PCDHA7: variants seen among roughly 807,000 people sequenced by gnomAD.
The protein encoded by PCDHA7 is protocadherin alpha-7.
Under a neutral mutation model 57.2 loss-of-function variants are expected in PCDHA7, and 37 were observed. That is an observed-to-expected ratio of 0.65 (90% CI 0.50 to 0.85). The LOEUF is 0.85. PCDHA7 is among the 40% of genes least tolerant of loss of function. The pLI is 0.00. For missense variants in PCDHA7, 1,188 were observed against 1,241.8 expected (o/e 0.96, Z 0.65); for synonymous variants, 553 against 558.8 (o/e 0.99, Z 0.15).
chr5:140,989,597 G>A (rs1168398697), intron 3 of PCDHA7, among the ~76,000 whole-genome samples: 1 of 152,144 alleles, frequency 6.6e-6, no homozygotes, highest in Non-Finnish European at 1.5e-5. Flanking sequence ...ACTGACACAA[G>A]TAAACTAAAA....
chr5:140,878,040 C>T, intron 1 of PCDHA7: 1 of 533,272 alleles, frequency 1.9e-6, no homozygotes, highest in Non-Finnish European at 3.0e-6. Flanking sequence ...ACAATGGAGG[C>T]CATGGAGCAC....
intron 3 of PCDHA7, among the ~76,000 whole-genome samples, chr5:140,995,391 G>A (rs2097681152): frequency 1.3e-5 from 2 of 152,170 alleles, no homozygotes; most frequent in African/African-American, 2.4e-5. Context: ...AGGATAAAGC[G>A]GGATGGCTCG....
intron 3 of PCDHA7, among the ~76,000 whole-genome samples, chr5:141,006,373 G>A (rs550999366): frequency 1.1e-4 from 17 of 151,910 alleles, no homozygotes; most frequent in African/African-American, 3.1e-4. Context: ...CACCACGCCC[G>A]GCTAAGTTTT....
Position 140,835,685 on chromosome 5 carries a change from T to G in PCDHA7, c.1302T>G (p.Ser434=), listed in dbSNP as rs2150241896. 8.7e-6 allele frequency: 14 copies of G among 1,613,884 alleles called. No individual in the cohort carries two copies. The highest frequency in any genetic ancestry group is 1.2e-5 in the Non-Finnish European group (14 of 1,179,872). ...CCGCGCGGGACGGGGGCTCGCCTTC[T>G]CTGTGGGCCACTGCTAGCGTGTCCG... ...VVTARDGGSP[S]LWATASVSVE... Residue 434 remains serine (S), a synonymous_variant, in exon 1 of 4, where the codon TCT becomes TCG. Transcript: ENST00000525929.
At position 140,848,466 on chromosome 5, in the gene PCDHA7, C is replaced by T. The variant is rs2150410896; in HGVS notation, c.2355+11728C>T. 2.6e-6 allele frequency: 4 copies of T among 1,545,340 alleles called. No homozygotes were observed. In the South Asian group the frequency reaches 3.6e-5, roughly 14 times the overall value. ...TTTCTTCTAATTTGGAGGCAATTTTCACTAATTAGAAGAAGACTGAGTATT... is the reference window on the plus strand; with the variant it reads ...TTTCTTCTAATTTGGAGGCAATTTTTACTAATTAGAAGAAGACTGAGTATT... On this transcript the variant is annotated intron_variant, in intron 1 of 3. Transcript: ENST00000525929.
chr5:140,882,560 C>G (rs150463901), intron 1 of PCDHA7: 2 of 1,614,168 alleles, frequency 1.2e-6, no homozygotes, highest in African/African-American at 2.7e-5. Context: ...GCTGTGTGGG[C>G]GGAGCGCGGA....
chr5:140,876,587 T>C (rs201129017), intron 1 of PCDHA7: 1 of 1,614,208 alleles, frequency 6.2e-7, no homozygotes, highest in African/African-American at 1.3e-5. Context: ...ATTGCCCTGA[T>C]TAGCGTGTCG....
intron 1 of PCDHA7, among the ~76,000 whole-genome samples, chr5:140,921,909 CATG>C (rs1554200522): frequency 6.6e-6 from 1 of 151,678 alleles, no homozygotes; most frequent in Non-Finnish European, 1.5e-5. Context: ...ATATATATTA[CATG>C]ATAAAACTTA....
At chr5:140,856,818 A>G in intron 1 of PCDHA7, 1 of 1,593,074 alleles carries the variant, frequency 6.3e-7, no homozygotes, top group Non-Finnish European at 8.6e-7. Flanking sequence ...CAAGTGAACC[A>G]AACATTAGTA....
Position 140,850,923 on chromosome 5 carries a change from A to T in PCDHA7, c.2355+14185A>T, listed in dbSNP as rs2150502523. The stretch of plus-strand genomic sequence containing the variant: ...TTCTAGCATTTTATTTATTTATATA[A>T]TTTTTTTTCTTGAAAGATATTATCG... On this transcript the variant is annotated intron_variant, in intron 1 of 3. Transcript: ENST00000525929. 9.9e-6 allele frequency: 15 copies of T among 1,521,828 alleles called. 1 individual carries two copies. In the African/African-American group the frequency reaches 1.4e-4, roughly 14 times the overall value. The allele number at this position is 1,521,828 out of a possible 1,614,324, so 94.3% of individuals were successfully genotyped here.
At chr5:140,912,767 G>A (rs1388605585) in intron 1 of PCDHA7, among the ~76,000 whole-genome samples, 2 of 152,064 alleles carry the variant, frequency 1.3e-5, no homozygotes, top group African/African-American at 4.8e-5. Context: ...TTATTACTTT[G>A]AGGTATGTCC....
chr5:140,883,290 T>C, intron 1 of PCDHA7: 1 of 1,614,060 alleles, frequency 6.2e-7, no homozygotes, highest in South Asian at 1.1e-5. Context: ...GTGGAAGTAC[T>C]AGATGTAAAT....
chr5:140,903,211 C>T (rs1457584095), intron 1 of PCDHA7, among the ~76,000 whole-genome samples: 1 of 152,174 alleles, frequency 6.6e-6, no homozygotes, highest in African/African-American at 2.4e-5. Context: ...TCACCACATT[C>T]ATGCCAACAT....
intron 1 of PCDHA7, chr5:140,852,246 CTT>C (rs1364833790): frequency 5.5e-6 from 3 of 546,116 alleles, no homozygotes; most frequent in Admixed American, 6.5e-5. Context: ...TTAAAACACA[CTT>C]TTGGAATATG....
intron 1 of PCDHA7, chr5:140,842,126 C>G (rs2150329833): frequency 6.2e-7 from 1 of 1,613,822 alleles, no homozygotes; most frequent in South Asian, 1.1e-5. Context: ...TGCTTCTGAT[C>G]CGGATGAAGG....
At chr5:140,845,315 ATTACT>A (rs1156413358) in intron 1 of PCDHA7, among the ~76,000 whole-genome samples, 1 of 149,596 alleles carries the variant, frequency 6.7e-6, no homozygotes, top group Non-Finnish European at 1.5e-5. Context: ...GTTCTCAGGT[ATTACT>A]TTAATTACTG....
chr5:140,869,219 C>A (rs543814850), intron 1 of PCDHA7: 1 of 1,613,836 alleles, frequency 6.2e-7, no homozygotes, highest in African/African-American at 1.3e-5. Context: ...TCGGAGGAGG[C>A]CAAACACGGC....
chr5:140,937,544 G>A (rs1584916814), intron 1 of PCDHA7, among the ~76,000 whole-genome samples: 1 of 151,510 alleles, frequency 6.6e-6, no homozygotes, highest in South Asian at 2.1e-4. Flanking sequence ...TTGAACCTGC[G>A]AGGCAGAGGT....
At chr5:140,843,758 A>T (rs2150366226) in intron 1 of PCDHA7, 1 of 1,503,376 alleles carries the variant, frequency 6.7e-7, no homozygotes, top group East Asian at 2.3e-5. Flanking sequence ...CTATTTGTGG[A>T]AATTGTAGTT....
Sources: gnomAD v4.1 joint callset for allele counts (sites outside exome capture counted in the v4.1 genomes callset) on GRCh38, gnomAD v4.1.1 for gene constraint, MANE v1.5 for transcripts, NCBI Gene and HGNC (gene_info 2026-07-23, HGNC 2026-07-21) for gene names.